Variants in DNAH9 observed in about 807,000 individuals in gnomAD.
The protein encoded by DNAH9 is DNAH9 variant protein.
A neutral mutation model predicts 471.6 loss-of-function variants in DNAH9; 345 were observed. The observed-to-expected ratio is 0.73, with a 90% CI of 0.67 to 0.80. DNAH9 has a LOEUF of 0.80. Ranked by LOEUF, DNAH9 falls within the 30% of genes least tolerant of loss-of-function variation. The pLI is 0.00. For synonymous variants in DNAH9, 2,093 were observed against 2,123.6 expected, an observed-to-expected ratio of 0.99 and a Z score of 0.40; for missense variants, 5,407 against 5,609.2, an observed-to-expected ratio of 0.96 and a Z score of 1.15.
At chr17:11,790,184 C>T (rs1235091811) in intron 41 of DNAH9, among the ~76,000 whole-genome samples, 1 of 151,788 alleles carries the variant, frequency 6.6e-6, no homozygotes, top group African/African-American at 2.4e-5. Flanking sequence ...GTTAAAGCAA[C>T]CTTGTAAATC....
intron 48 of DNAH9, among the ~76,000 whole-genome samples, chr17:11,825,203 C>T (rs1023483829): frequency 1.3e-5 from 2 of 151,872 alleles, no homozygotes; most frequent in East Asian, 4.0e-4. Context: ...CATCTTTTCT[C>T]CTGATCACTT....
Position 11,875,047 on chromosome 17 carries a change from C to T in DNAH9, c.10341C>T (p.Arg3447=). The change falls in exon 53 of 69, where the codon CGC becomes CGT. Residue 3447 remains arginine (R), a synonymous_variant. Coordinates refer to ENST00000262442, the MANE Select transcript of DNAH9 (RefSeq NM_001372.4). ...AWQNEGLPAD[R]MSVENATILI... ...AGAACGAGGGCCTCCCAGCCGACCG[C>T]ATGTCCGTGGAGAATGCCACCATTC... is the stretch of plus-strand genomic sequence containing the variant. The T allele has an allele frequency of 6.2e-7, 1 of 1,614,164 alleles. No individual in the cohort carries two copies. Among genetic ancestry groups the T allele is most frequent in the Non-Finnish European group, 8.5e-7 (1 of 1,180,010 alleles).
intron 1 of DNAH9, among the ~76,000 whole-genome samples, chr17:11,601,025 A>G (rs968826520): frequency 5.3e-5 from 8 of 152,178 alleles, no homozygotes; most frequent in African/African-American, 1.9e-4. Flanking sequence ...AACCTGACTC[A>G]TCATATAAGT....
intron 19 of DNAH9, among the ~76,000 whole-genome samples, chr17:11,685,249 G>C (rs1332666710): frequency 1.3e-5 from 2 of 151,990 alleles, no homozygotes; most frequent in African/African-American, 4.8e-5. Flanking sequence ...CTGTTTCAGG[G>C]GGAAAAAAAA....
At chr17:11,660,899 C>G (rs1287572329) in intron 14 of DNAH9, among the ~76,000 whole-genome samples, 5 of 151,956 alleles carry the variant, frequency 3.3e-5, no homozygotes, top group African/African-American at 1.2e-4. Flanking sequence ...TAAATTAGTT[C>G]AAAGCAATTG....
At chr17:11,674,407 T>C (rs1418765615) in intron 17 of DNAH9, among the ~76,000 whole-genome samples, 1 of 152,230 alleles carries the variant, frequency 6.6e-6, no homozygotes, top group Non-Finnish European at 1.5e-5. Context: ...AGTGTAATGG[T>C]ATCTCACTGT....
chr17:11,831,101 G>A (rs553584441), intron 48 of DNAH9, among the ~76,000 whole-genome samples: 9 of 152,312 alleles, frequency 5.9e-5, no homozygotes, highest in East Asian at 1.9e-4. Context: ...TGGACACAGC[G>A]TAAGCAGGAA....
At position 11,819,094 on chromosome 17, in the gene DNAH9, C is replaced by A. The variant is rs61675389; in HGVS notation, c.8708-2826C>A. Reference sequence around the variant, plus strand: ...CATAGCCCATTATCTCCATCCTGAACGTTTTTTAATTAACTTTCTTTGACT... The same window carrying A: ...CATAGCCCATTATCTCCATCCTGAAAGTTTTTTAATTAACTTTCTTTGACT... On this transcript the variant is annotated intron_variant, in intron 45 of 68. Transcript: ENST00000262442. Among the ~76,000 whole-genome samples, 849 of 152,010 alleles carry A rather than the reference C, an allele frequency of 5.6e-3. 4 individuals carry two copies. Among genetic ancestry groups the A allele is most frequent in the Middle Eastern group, 0.014 (4 of 294 alleles).
At chr17:11,701,309 C>A (rs375324894) in intron 24 of DNAH9, 62 bp downstream of exon 24, 1 of 1,575,152 alleles carries the variant, frequency 6.3e-7, no homozygotes, top group Non-Finnish European at 8.7e-7. Context: ...GCAGCCTCCC[C>A]CAGCCTTCAG....
chr17:11,699,078 A>G (rs938611950), intron 22 of DNAH9, among the ~76,000 whole-genome samples: 8 of 151,198 alleles, frequency 5.3e-5, no homozygotes, highest in African/African-American at 1.9e-4. Flanking sequence ...GTGAAACCGC[A>G]TCTCTACTAA....
At chr17:11,622,946 CCTTTT>C (rs1046864337) in intron 6 of DNAH9, among the ~76,000 whole-genome samples, 16 of 150,036 alleles carry the variant, frequency 1.1e-4, no homozygotes, top group African/African-American at 2.7e-4. Flanking sequence ...CCCAGCTGCT[CCTTTT>C]CTTTTCTTTT....
At chr17:11,891,651 C>A in intron 57 of DNAH9, 126 bp from the exon 58 acceptor site, 1 of 1,115,760 alleles carries the variant, frequency 9.0e-7, no homozygotes, top group Non-Finnish European at 1.3e-6. Flanking sequence ...AGGCATGAGC[C>A]ACCGTGCCTG....
chr17:11,646,847 A>C (rs572063168), intron 11 of DNAH9, among the ~76,000 whole-genome samples: 2 of 152,314 alleles, frequency 1.3e-5, no homozygotes, highest in East Asian at 3.9e-4. Context: ...CGGGAGGCAG[A>C]GGTTGCAGTG....
chr17:11,625,736 G>C (rs550828386), intron 6 of DNAH9, among the ~76,000 whole-genome samples: 1 of 152,110 alleles, frequency 6.6e-6, no homozygotes, highest in South Asian at 2.1e-4. Flanking sequence ...AGTGCTGCAC[G>C]GTTTTTTCAT....
intron 48 of DNAH9, among the ~76,000 whole-genome samples, chr17:11,832,332 C>G (rs1291959913): frequency 2.0e-5 from 3 of 151,912 alleles, no homozygotes; most frequent in Non-Finnish European, 4.4e-5. Flanking sequence ...CAAAACAAAA[C>G]AACAACCAAA....
chr17:11,803,263 T>A (rs1969535335), intron 43 of DNAH9, among the ~76,000 whole-genome samples: 1 of 152,206 alleles, frequency 6.6e-6, no homozygotes, highest in South Asian at 2.1e-4. Context: ...CTCTTTGTTT[T>A]TCACTCCCAC....
At chr17:11,784,666 A>G in intron 41 of DNAH9, 127 bp downstream of exon 41, 3 of 1,378,252 alleles carry the variant, frequency 2.2e-6, no homozygotes. Flanking sequence ...ATATGTAATC[A>G]TGAACATAAG....
At chr17:11,670,161 C>T (rs1355362077) in intron 17 of DNAH9, among the ~76,000 whole-genome samples, 1 of 152,178 alleles carries the variant, frequency 6.6e-6, no homozygotes, top group Admixed American at 6.5e-5. Flanking sequence ...ACTTCTACCT[C>T]TTATTCCTTG....
chr17:11,664,327 G>T (rs1008642359), intron 14 of DNAH9, among the ~76,000 whole-genome samples: 5 of 152,138 alleles, frequency 3.3e-5, no homozygotes, highest in Admixed American at 6.5e-5. Flanking sequence ...TTATTTATTT[G>T]TGTGCATTTT....
Sources: allele counts gnomAD v4.1 joint callset (sites outside exome capture counted in the v4.1 genomes callset), GRCh38; gene constraint gnomAD v4.1.1; transcripts MANE v1.5; gene names NCBI Gene and HGNC (gene_info 2026-07-23, HGNC 2026-07-21).